PRKN: variants seen among roughly 807,000 people sequenced by gnomAD.
PRKN encodes the protein E3 ubiquitin-protein ligase parkin.
Under a neutral mutation model 59.5 loss-of-function variants are expected in PRKN, and 56 were observed. The observed-to-expected ratio is 0.94, with a 90% confidence interval of 0.76 to 1.18. PRKN has a LOEUF of 1.18. Among genes scored for constraint, PRKN ranks in the 50% most tolerant of loss-of-function variants. The pLI is 0.00. For missense variants in PRKN, 657 were observed against 596.4 expected (o/e 1.10, Z -1.06); for synonymous variants, 250 against 222.1 (o/e 1.13, Z -1.12).
At chr6:162,034,376 A>G (rs1181933069) in intron 5 of PRKN, among the ~76,000 whole-genome samples, 3 of 152,098 alleles carry the variant, frequency 2.0e-5, no homozygotes, top group Non-Finnish European at 4.4e-5. Flanking sequence ...TGCTGGTAAA[A>G]CAGCTAGAAA....
intron 11 of PRKN, among the ~76,000 whole-genome samples, chr6:161,358,003 C>T (rs946763448): frequency 1.3e-5 from 2 of 152,224 alleles, no homozygotes; most frequent in Non-Finnish European, 2.9e-5. Flanking sequence ...GAAGCTTTAC[C>T]ACCGATTTAT....
chr6:161,682,664 C>G (rs1785410278), intron 7 of PRKN, among the ~76,000 whole-genome samples: 1 of 152,150 alleles, frequency 6.6e-6, no homozygotes, highest in Non-Finnish European at 1.5e-5. Flanking sequence ...CAAACAGCTT[C>G]TCTTTTGTCT....
intron 4 of PRKN, among the ~76,000 whole-genome samples, chr6:162,188,361 G>A (rs1484157288): frequency 2.0e-5 from 3 of 152,098 alleles, no homozygotes; most frequent in Non-Finnish European, 4.4e-5. Flanking sequence ...CACAGTGGCT[G>A]CCACACCTGC....
intron 1 of PRKN, among the ~76,000 whole-genome samples, chr6:162,601,832 A>C (rs1237508720): frequency 6.6e-6 from 1 of 152,208 alleles, no homozygotes; most frequent in African/African-American, 2.4e-5. Flanking sequence ...ATTTTCAGGG[A>C]AGAATTGTGA....
intron 7 of PRKN, among the ~76,000 whole-genome samples, chr6:161,641,952 A>G (rs946628760): frequency 2.0e-5 from 3 of 152,212 alleles, no homozygotes; most frequent in African/African-American, 4.8e-5. Flanking sequence ...CTGCTAGTGT[A>G]AAGAGTTTAC....
At chr6:161,568,187 T>A (rs984525955) in intron 8 of PRKN, among the ~76,000 whole-genome samples, 1 of 152,218 alleles carries the variant, frequency 6.6e-6, no homozygotes, top group Non-Finnish European at 1.5e-5. Context: ...GCCACATACA[T>A]ACACCAAACA....
rs1158899879 is a variant in PRKN at position 161,402,356 on chromosome 6, T to C, written c.1084-15479A>G. On this transcript the variant is annotated intron_variant, in intron 9 of 11. Coordinates refer to ENST00000366898, the MANE Select transcript of PRKN (RefSeq NM_004562.3). The surrounding 1 kb of genome is among the most constrained non-coding windows in gnomAD (Gnocchi z 4.5). ...CAATTTTATTGCTTTGCTAAGGACA[T>C]AGAAAGCAAACTAATTAAATGACAG... Among the ~76,000 whole-genome samples the C allele has an allele frequency of 6.6e-6, 1 of 152,198 alleles. No homozygotes were observed. Among genetic ancestry groups the C allele is most frequent in the Non-Finnish European group, 1.5e-5 (1 of 68,032 alleles).
Position 161,777,899 on chromosome 6 carries a change from C to CATATATACTTATAT in PRKN, c.871+7872_871+7873insATATAAGTATATAT, listed in dbSNP as rs1790024921. On this transcript the variant is annotated intron_variant, in intron 7 of 11. Transcript: ENST00000366898. ...ACGTATATATGTATATATATGTATA[C>CATATATACTTATAT]ATATATATGTGTATATATATGTATG... 3.6e-4 allele frequency among the ~76,000 whole-genome samples: 41 copies of CATATATACTTATAT among 115,482 alleles called. 1 individual carries two copies. Among genetic ancestry groups the CATATATACTTATAT allele is most frequent in the East Asian group, 5.2e-4 (2 of 3,830 alleles). 75.8% of individuals were successfully genotyped at this position (115,482 alleles called of 152,430 possible). A position where few individuals can be genotyped will look rare whatever the true frequency, so the allele number is the denominator to read the frequency against.
intron 1 of PRKN, among the ~76,000 whole-genome samples, chr6:162,664,189 C>A (rs973150157): frequency 2.0e-5 from 3 of 152,110 alleles, no homozygotes; most frequent in African/African-American, 4.8e-5. Context: ...TGATGGCTTC[C>A]AGCTTCATCC....
chr6:162,020,024 G>GA (rs71751881), intron 5 of PRKN, among the ~76,000 whole-genome samples: 56 of 146,568 alleles, frequency 3.8e-4, no homozygotes, highest in Non-Finnish European at 4.5e-4. Context: ...CGTCTCAAAG[G>GA]AAAAAAAAAA....
intron 4 of PRKN, among the ~76,000 whole-genome samples, chr6:162,062,684 G>A (rs911639006): frequency 2.6e-5 from 4 of 152,092 alleles, no homozygotes; most frequent in Admixed American, 6.6e-5. Context: ...CGTTGATCTC[G>A]ACTTCTAGCT....
intron 5 of PRKN, among the ~76,000 whole-genome samples, chr6:162,016,467 T>C (rs1022118547): frequency 6.6e-6 from 1 of 152,112 alleles, no homozygotes; most frequent in African/African-American, 2.4e-5. Flanking sequence ...ACAGGACTCC[T>C]GAGGTCCTCT....
intron 2 of PRKN, among the ~76,000 whole-genome samples, chr6:162,265,574 C>T (rs559972849): frequency 6.6e-6 from 1 of 152,080 alleles, no homozygotes; most frequent in East Asian, 1.9e-4. Flanking sequence ...GCCTGTAATC[C>T]CAGCTACTCA....
intron 1 of PRKN, among the ~76,000 whole-genome samples, chr6:162,679,333 A>T (rs1779682438): frequency 1.3e-5 from 2 of 151,978 alleles, no homozygotes; most frequent in African/African-American, 4.8e-5. Flanking sequence ...TGGACTCCTG[A>T]CCTCAAGTGA....
At position 161,888,700 on chromosome 6, in the gene PRKN, A is replaced by C. The variant is rs145188299; in HGVS notation, c.734+84602T>G. 3.9e-3 allele frequency among the ~76,000 whole-genome samples: 589 copies of C among 152,234 alleles called. 3 individuals carry two copies. Among genetic ancestry groups the C allele is most frequent in the African/African-American group, 0.013 (540 of 41,532 alleles). The stretch of plus-strand genomic sequence containing the variant: ...CTTCATAATCCTCCAGCATCCTTTG[A>C]TCATCACTTCATACCCTCAGCTCAA... On this transcript the variant is annotated intron_variant, in intron 6 of 11. Coordinates refer to ENST00000366898, the MANE Select transcript of PRKN (RefSeq NM_004562.3).
At chr6:161,890,162 T>C (rs929177378) in intron 6 of PRKN, among the ~76,000 whole-genome samples, 2 of 152,204 alleles carry the variant, frequency 1.3e-5, no homozygotes, top group African/African-American at 4.8e-5. Context: ...TCAGTTCTTA[T>C]TTTACAGTAT....
At chr6:161,755,429 T>A (rs1583110260) in intron 7 of PRKN, among the ~76,000 whole-genome samples, 1 of 152,188 alleles carries the variant, frequency 6.6e-6, no homozygotes. Context: ...TGATAACTGT[T>A]AACACAAAAG....
rs115865852 is a variant in PRKN at position 162,093,757 on chromosome 6, C to T, written c.535-39583G>A. On this transcript the variant is annotated intron_variant, in intron 4 of 11. Transcript: ENST00000366898. ...CCGCAGGCATTTGCTTTAAACCCCC[C>T]GTAACTCATAACGGCTTGACTGTGC... is the stretch of plus-strand genomic sequence containing the variant. Among the ~76,000 whole-genome samples the T allele has an allele frequency of 6.8e-3, 1,036 of 152,190 alleles. 5 individuals are homozygous for T. Among genetic ancestry groups the T allele is most frequent in the African/African-American group, 0.022 (933 of 41,510 alleles).
chr6:162,124,293 T>G (rs1469170105), intron 4 of PRKN, among the ~76,000 whole-genome samples: 1 of 152,200 alleles, frequency 6.6e-6, no homozygotes, highest in Non-Finnish European at 1.5e-5. Flanking sequence ...TTTTTGCTTT[T>G]CAGTTTTCTA....
Sources: gnomAD v4.1 joint callset for allele counts (sites outside exome capture counted in the v4.1 genomes callset) on GRCh38, gnomAD v4.1.1 for gene constraint, Gnocchi (gnomAD v3.1) non-coding constraint, MANE v1.5 for transcripts, NCBI Gene and HGNC (gene_info 2026-07-23, HGNC 2026-07-21) for gene names.